The following EYA2 variants were observed in gnomAD, a reference collection of about 807,000 sequenced individuals.
EYA2 encodes the protein protein phosphatase EYA2.
A neutral mutation model predicts 69.2 loss-of-function variants in EYA2; 31 were observed. That is an observed-to-expected ratio of 0.45 (90% CI 0.34 to 0.60). The LOEUF is 0.60. Among genes scored for constraint, EYA2 ranks in the 20% least tolerant of loss-of-function variants. EYA2 has a pLI of 0.02. For missense variants in EYA2, 622 were observed against 701.2 expected, an observed-to-expected ratio of 0.89 and a Z score of 1.28; for synonymous variants, 257 against 279.4, an observed-to-expected ratio of 0.92 and a Z score of 0.80.
At chr20:47,065,133 C>T (rs977141222) in intron 5 of EYA2, among the ~76,000 whole-genome samples, 1 of 152,138 alleles carries the variant, frequency 6.6e-6, no homozygotes, top group Admixed American at 6.5e-5. Context: ...AAGATCTGCC[C>T]CCATGATTCA....
At chr20:47,003,385 C>CT (rs1471184544) in intron 3 of EYA2, among the ~76,000 whole-genome samples, 1 of 152,252 alleles carries the variant, frequency 6.6e-6, no homozygotes, top group Non-Finnish European at 1.5e-5. Context: ...ACCTTTACCA[C>CT]TAAGGGAAGT....
intron 5 of EYA2, among the ~76,000 whole-genome samples, chr20:47,040,029 C>G (rs550391092): frequency 6.6e-6 from 1 of 151,612 alleles, no homozygotes; most frequent in Non-Finnish European, 1.5e-5. Flanking sequence ...TTAGTAGAGA[C>G]GGGGTTTCAC....
intron 10 of EYA2, among the ~76,000 whole-genome samples, chr20:47,146,162 G>A (rs1433226409): frequency 6.6e-6 from 1 of 152,172 alleles, no homozygotes; most frequent in Non-Finnish European, 1.5e-5. Context: ...CAGAAGAGGT[G>A]TTTGGTATGC....
chr20:46,998,636 C>T (rs1327907327), intron 2 of EYA2: 1 of 152,208 alleles, frequency 6.6e-6, no homozygotes, highest in Non-Finnish European at 1.5e-5. Context: ...TTAGAGAGCC[C>T]TGCCTTATCA....
rs1178823633 is a variant in EYA2, at chr20:46,950,782, T to C, written c.-10-39219T>C. 2.0e-5 allele frequency among the ~76,000 whole-genome samples: 3 copies of C among 152,162 alleles called. No individual in the cohort carries two copies. The East Asian group carries it at 5.8e-4, about 29-fold the overall frequency. On this transcript the variant is annotated intron_variant, in intron 1 of 15. Transcript: ENST00000327619. Reference sequence around the variant, plus strand: ...AGAGGCATGGTGTCTTTGTGTGGGTTCCCAAGAAGCTGACCTCAAGATCAG... The same window carrying C: ...AGAGGCATGGTGTCTTTGTGTGGGTCCCCAAGAAGCTGACCTCAAGATCAG...
chr20:47,073,312 G>A (rs1358196273), intron 6 of EYA2, among the ~76,000 whole-genome samples: 1 of 152,154 alleles, frequency 6.6e-6, no homozygotes, highest in African/African-American at 2.4e-5. Context: ...CTTGATCAAA[G>A]GTGATTGGCA....
At chr20:46,933,091 G>T (rs2146253635) in intron 1 of EYA2, among the ~76,000 whole-genome samples, 1 of 152,276 alleles carries the variant, frequency 6.6e-6, no homozygotes, top group East Asian at 1.9e-4. Context: ...CTTTATAGCT[G>T]TGTGAGAACA....
intron 14 of EYA2, among the ~76,000 whole-genome samples, chr20:47,182,084 C>T (rs751446231): frequency 1.3e-5 from 2 of 151,880 alleles, no homozygotes; most frequent in African/African-American, 2.4e-5. Context: ...GGTGCAATCT[C>T]GGCTCACTAC....
intron 9 of EYA2, among the ~76,000 whole-genome samples, chr20:47,110,619 C>T (rs1193429163): frequency 6.6e-6 from 1 of 152,226 alleles, no homozygotes; most frequent in Non-Finnish European, 1.5e-5. Context: ...CTTCTGCTGC[C>T]TCTTAGCTCG....
chr20:47,159,259 A>G (rs1437412861), intron 10 of EYA2, among the ~76,000 whole-genome samples: 1 of 151,922 alleles, frequency 6.6e-6, no homozygotes, highest in East Asian at 2.0e-4. Flanking sequence ...GATAATATTT[A>G]CCCTTGATGT....
intron 1 of EYA2, among the ~76,000 whole-genome samples, chr20:46,897,274 A>T (rs1268341425): frequency 1.3e-5 from 2 of 152,200 alleles, no homozygotes; most frequent in African/African-American, 4.8e-5. Flanking sequence ...CCCTCAGCAA[A>T]AAGGCTCTGT....
At chr20:46,970,741 ATGTAT>A (rs1161542688) in intron 1 of EYA2, among the ~76,000 whole-genome samples, 1 of 152,204 alleles carries the variant, frequency 6.6e-6, no homozygotes, top group East Asian at 1.9e-4. Context: ...ACTGTCCAGG[ATGTAT>A]TTTTAAATGG....
intron 5 of EYA2, among the ~76,000 whole-genome samples, chr20:47,053,167 A>G (rs74885930): frequency 0.019 from 2,815 of 151,032 alleles, 83 homozygotes; most frequent in African/African-American, 0.065. Flanking sequence ...TCCTTTTTAG[A>G]CATTTTTTCT....
At chr20:47,054,224 C>T (rs977423082) in intron 5 of EYA2, among the ~76,000 whole-genome samples, 2 of 152,142 alleles carry the variant, frequency 1.3e-5, no homozygotes, top group African/African-American at 4.8e-5. Flanking sequence ...ACTTCTCCAA[C>T]TTGACCCTGA....
At chr20:47,073,860 C>T (rs73309619) in intron 6 of EYA2, among the ~76,000 whole-genome samples, 1 of 152,208 alleles carries the variant, frequency 6.6e-6, no homozygotes, top group African/African-American at 2.4e-5. Context: ...TAGACCATCT[C>T]AGCTTTTCCT....
In EYA2 at chr20:46,929,661, G is replaced by A. The variant is rs913977657; in HGVS notation, c.-11+34674G>A. On this transcript the variant is annotated intron_variant, in intron 1 of 15. Transcript: ENST00000327619. ...GAGGCTCATAAACACTGGGCCTTGT[G>A]CAGGGTCCGCTCTGTGCCAGCTCTC... Among the ~76,000 whole-genome samples the A allele has an allele frequency of 1.3e-4, 20 of 152,210 alleles. 1 individual carries two copies. The highest frequency in any genetic ancestry group is 6.2e-4 in the South Asian group (3 of 4,816).
intron 12 of EYA2, among the ~76,000 whole-genome samples, chr20:47,173,832 G>A (rs1248856790): frequency 6.6e-6 from 1 of 152,166 alleles, no homozygotes; most frequent in African/African-American, 2.4e-5. Flanking sequence ...ACCACCCAGG[G>A]AGTTTCAGTT....
At chr20:47,054,013 A>G (rs2030474589) in intron 5 of EYA2, among the ~76,000 whole-genome samples, 1 of 152,064 alleles carries the variant, frequency 6.6e-6, no homozygotes, top group Admixed American at 6.5e-5. Flanking sequence ...ATTGATGATG[A>G]CACTCACCTT....
intron 1 of EYA2, among the ~76,000 whole-genome samples, chr20:46,946,583 G>A (rs1181779094): frequency 2.6e-5 from 4 of 152,094 alleles, no homozygotes; most frequent in African/African-American, 7.2e-5. Context: ...ATAGGCCAGC[G>A]GTCAGCAAAC....
Sources: gnomAD v4.1 joint callset for allele counts (sites outside exome capture counted in the v4.1 genomes callset) on GRCh38, gnomAD v4.1.1 for gene constraint, MANE v1.5 for transcripts, NCBI Gene and HGNC (gene_info 2026-07-23, HGNC 2026-07-21) for gene names.